The following ELF2 variants were observed in gnomAD, a reference collection of about 807,000 sequenced individuals.
ELF2 encodes ETS-related transcription factor Elf-2.
ELF2 carries 11 observed loss-of-function variants against 54.8 expected under a neutral mutation model. The ratio of observed to expected loss-of-function variants is 0.20; its 90% CI spans 0.13 to 0.33. The LOEUF is 0.33. Among genes scored for constraint, ELF2 ranks in the 10% least tolerant of loss-of-function variants. The pLI, the probability that ELF2 is intolerant of heterozygous loss-of-function variation, is 1.00. For missense variants in ELF2, 513 were observed against 703.0 expected (o/e 0.73, Z 3.06); for synonymous variants, 203 against 245.1 (o/e 0.83, Z 1.61).
At chr4:139,174,450 G>A (rs1215518378) in intron 1 of ELF2, among the ~76,000 whole-genome samples, 1 of 152,114 alleles carries the variant, frequency 6.6e-6, no homozygotes, top group Non-Finnish European at 1.5e-5. Context: ...AAAAGCGACT[G>A]TTAATGGATA....
intron 1 of ELF2, among the ~76,000 whole-genome samples, chr4:139,144,614 T>G (rs13134328): frequency 2.0e-5 from 3 of 152,202 alleles, no homozygotes; most frequent in Admixed American, 6.5e-5. Context: ...GGTTCCTGTA[T>G]GTAAACAGCT....
intron 1 of ELF2, among the ~76,000 whole-genome samples, chr4:139,163,761 A>G (rs1185500538): frequency 1.3e-5 from 2 of 152,104 alleles, no homozygotes; most frequent in Non-Finnish European, 2.9e-5. Flanking sequence ...AAAAAATACA[A>G]AAACTAGCCA....
chr4:139,165,771 A>G (rs1741654386), intron 1 of ELF2, among the ~76,000 whole-genome samples: 1 of 152,224 alleles, frequency 6.6e-6, no homozygotes, highest in South Asian at 2.1e-4. Flanking sequence ...ACTGAACTAA[A>G]TCAGGCTTGA....
chr4:139,082,170 A>G (rs1292712656), intron 4 of ELF2, among the ~76,000 whole-genome samples: 6 of 152,206 alleles, frequency 3.9e-5, no homozygotes. Flanking sequence ...AGTATTTTTC[A>G]AAGTTTTGAT....
At chr4:139,109,416 C>T (rs1431513696) in intron 4 of ELF2, among the ~76,000 whole-genome samples, 1 of 151,988 alleles carries the variant, frequency 6.6e-6, no homozygotes, top group African/African-American at 2.4e-5. Context: ...AATTTTAGTC[C>T]CTTGGCTATT....
intron 1 of ELF2, among the ~76,000 whole-genome samples, chr4:139,145,936 G>T (rs1739181144): frequency 6.6e-6 from 1 of 152,154 alleles, no homozygotes; most frequent in African/African-American, 2.4e-5. Flanking sequence ...ATGGGAAAAA[G>T]TTGCAAGCAT....
chr4:139,098,745 G>A (rs901333088), intron 4 of ELF2, among the ~76,000 whole-genome samples: 1 of 152,170 alleles, frequency 6.6e-6, no homozygotes, highest in African/African-American at 2.4e-5. Context: ...TGGGATTACA[G>A]GCATGAGCCA....
In ELF2 at chr4:139,067,508, A is replaced by G. The variant is rs534459482; in HGVS notation, c.613+176T>C. The G allele has an allele frequency of 1.7e-5, 10 of 585,760 alleles. No homozygotes were observed. In the East Asian group the frequency reaches 2.8e-4, roughly 17 times the overall value. 36.3% of individuals were successfully genotyped at this position (585,760 alleles called of 1,614,324 possible). A position where few individuals can be genotyped will look rare whatever the true frequency, so the allele number is the denominator to read the frequency against. On this transcript the variant is annotated intron_variant, in intron 7 of 9. Transcript: ENST00000686138. ...AATCTCTGTGGTGTAGGAACTGGGC[A>G]CAGATATTTTGAAAAAGCTCCCCAC...
At chr4:139,140,890 A>G (rs930207528) in intron 1 of ELF2, among the ~76,000 whole-genome samples, 5 of 151,902 alleles carry the variant, frequency 3.3e-5, no homozygotes, top group Non-Finnish European at 7.4e-5. Flanking sequence ...CCACTTTCTA[A>G]TTTCTCAAGC....
At chr4:139,076,440 GAAA>G (rs775314545) in intron 4 of ELF2, among the ~76,000 whole-genome samples, 2 of 139,388 alleles carry the variant, frequency 1.4e-5, no homozygotes, top group East Asian at 4.1e-4. Flanking sequence ...CATACACTAA[GAAA>G]AAAAAAAAAC....
At position 139,149,261 on chromosome 4, in the gene ELF2, T is replaced by C. The variant is rs191800797; in HGVS notation, c.-251-9764A>G. ...TGCTAAGTCTCTGGACATAAATCAA[T>C]AGATGAAAATCAGCTGTTTTTCTAT... On this transcript the variant is annotated intron_variant, in intron 1 of 9. Transcript: ENST00000686138. Among the ~76,000 whole-genome samples, 697 of 152,296 alleles carry C rather than the reference T, an allele frequency of 4.6e-3. 5 individuals are homozygous for C. The highest frequency in any genetic ancestry group is 0.016 in the African/African-American group (670 of 41,564).
At chr4:139,127,619 GC>G (rs1332181194) in intron 3 of ELF2, among the ~76,000 whole-genome samples, 1 of 152,130 alleles carries the variant, frequency 6.6e-6, no homozygotes, top group Non-Finnish European at 1.5e-5. Flanking sequence ...ACAGCGCCCA[GC>G]CGGGTTTTAA....
chr4:139,061,245 G>T (rs1348517439), intron 8 of ELF2, among the ~76,000 whole-genome samples: 1 of 150,408 alleles, frequency 6.6e-6, no homozygotes, highest in Non-Finnish European at 1.5e-5. Context: ...CACAATCTTG[G>T]CTCACTGCAA....
At chr4:139,094,786 A>C (rs1733064762) in intron 4 of ELF2, among the ~76,000 whole-genome samples, 1 of 152,168 alleles carries the variant, frequency 6.6e-6, no homozygotes. Flanking sequence ...AAATGAGGAG[A>C]TATGAAATAG....
intron 1 of ELF2, among the ~76,000 whole-genome samples, chr4:139,151,090 A>AAGAAAGAAAGAAAGAAAGAAAGAAAG (rs1457833969): frequency 6.7e-6 from 1 of 148,666 alleles, no homozygotes; most frequent in Non-Finnish European, 1.5e-5. Context: ...GAAAGAAAGA[A>AAGAAAGAAAGAAAGAAAGAAAGAAAG]AGAAAAAGAG....
At chr4:139,151,033 AAAGAAAG>A (rs1345368957) in intron 1 of ELF2, among the ~76,000 whole-genome samples, 914 of 28,910 alleles carry the variant, frequency 0.032, 49 homozygotes, top group East Asian at 0.12. Flanking sequence ...CAAAAAAAAA[AAAGAAAG>A]AAAGAAAGAA....
intron 7 of ELF2, among the ~76,000 whole-genome samples, chr4:139,062,812 T>G (rs1202986292): frequency 6.6e-6 from 1 of 152,240 alleles, no homozygotes; most frequent in East Asian, 1.9e-4. Context: ...ACCTAGGGTC[T>G]TTTTGTAAGA....
intron 4 of ELF2, among the ~76,000 whole-genome samples, chr4:139,111,503 T>C (rs1262057047): frequency 1.3e-5 from 2 of 151,662 alleles, no homozygotes; most frequent in African/African-American, 4.8e-5. Context: ...TTTTTTTTTT[T>C]TTTTTGTACA....
chr4:139,163,315 A>T (rs1368399183), intron 1 of ELF2, among the ~76,000 whole-genome samples: 1 of 152,114 alleles, frequency 6.6e-6, no homozygotes, highest in East Asian at 1.9e-4. Flanking sequence ...AATAACTGTA[A>T]ATTCAGAGGT....
Sources: allele counts gnomAD v4.1 joint callset (sites outside exome capture counted in the v4.1 genomes callset), GRCh38; gene constraint gnomAD v4.1.1; transcripts MANE v1.5; gene names NCBI Gene and HGNC (gene_info 2026-07-23, HGNC 2026-07-21).